TNR: variants seen among roughly 807,000 people sequenced by gnomAD.
TNR encodes tenascin R.
Under a neutral mutation model 150.4 loss-of-function variants are expected in TNR, and 45 were observed. That is an observed-to-expected ratio of 0.30 (90% confidence interval 0.24 to 0.38). The LOEUF (loss-of-function observed/expected upper bound fraction) is 0.38. Ranked by LOEUF, TNR falls within the 10% of genes least tolerant of loss-of-function variation. The probability of loss-of-function intolerance (pLI) is 1.00; values close to 1 mark genes in which losing one functional copy is unlikely to be tolerated. For missense variants in TNR, 1,544 were observed against 1,759.1 expected, an observed-to-expected ratio of 0.88 and a Z score of 2.19; for synonymous variants, 687 against 678.4, an observed-to-expected ratio of 1.01 and a Z score of -0.20.
intron 1 of TNR, among the ~76,000 whole-genome samples, chr1:175,727,184 A>C (rs1571795556): frequency 6.6e-6 from 1 of 152,340 alleles, no homozygotes; most frequent in African/African-American, 2.4e-5. Flanking sequence ...AAAATTGTGA[A>C]TCTTTTTAGA....
chr1:175,694,172 A>G (rs1274624567), intron 1 of TNR, among the ~76,000 whole-genome samples: 1 of 152,222 alleles, frequency 6.6e-6, no homozygotes, highest in East Asian at 1.9e-4. Flanking sequence ...CAGTCTTATA[A>G]CAAAGTACCA....
At chr1:175,440,303 C>T (rs1304105226) in intron 2 of TNR, among the ~76,000 whole-genome samples, 1 of 149,560 alleles carries the variant, frequency 6.7e-6, no homozygotes, top group Non-Finnish European at 1.5e-5. Flanking sequence ...CATGTTTTCA[C>T]TCATAGGTGG....
At chr1:175,547,290 C>T (rs969563949) in intron 1 of TNR, among the ~76,000 whole-genome samples, 3 of 152,200 alleles carry the variant, frequency 2.0e-5, no homozygotes, top group Non-Finnish European at 2.9e-5. Context: ...AGCCACATGG[C>T]CCTGAAATCC....
At chr1:175,491,915 C>A (rs1428917706) in intron 2 of TNR, among the ~76,000 whole-genome samples, 1 of 152,150 alleles carries the variant, frequency 6.6e-6, no homozygotes, top group East Asian at 1.9e-4. Flanking sequence ...TCCCAAAGTG[C>A]TGGGATTACA....
chr1:175,511,942 C>T (rs1032653313), intron 2 of TNR, among the ~76,000 whole-genome samples: 1 of 152,180 alleles, frequency 6.6e-6, no homozygotes, highest in Non-Finnish European at 1.5e-5. Flanking sequence ...TCATTCATTG[C>T]TAAAGTCAAC....
rs1162346630 is a variant in TNR, at chr1:175,319,240, G to T, written c.*4117C>A. 6.6e-6 allele frequency: 1 copy of T among 152,166 alleles called. No individual in the cohort carries two copies. The highest frequency in any genetic ancestry group is 1.5e-5 in the Non-Finnish European group (1 of 68,024). 9.4% of individuals were successfully genotyped at this position (152,166 alleles called of 1,614,324 possible). A position where few individuals can be genotyped will look rare whatever the true frequency, so the allele number is the denominator to read the frequency against. ...TGTCCCTAGGGTATTTGCAAATCCA[G>T]GTCACCAGCTAGTCTATTTCAACAC... On this transcript the variant is annotated 3_prime_UTR_variant, in exon 23 of 23. Coordinates refer to ENST00000367674, the MANE Select transcript of TNR (RefSeq NM_003285.3).
At chr1:175,675,737 C>T (rs904844017) in intron 1 of TNR, among the ~76,000 whole-genome samples, 3 of 152,202 alleles carry the variant, frequency 2.0e-5, no homozygotes, top group Non-Finnish European at 4.4e-5. Flanking sequence ...CACTCTCCCC[C>T]TGAGGTCTAA....
intron 18 of TNR, 137 bp from the exon 19 acceptor site, chr1:175,337,816 G>A (rs1650321813): frequency 1.1e-6 from 1 of 943,410 alleles, no homozygotes; most frequent in African/African-American, 1.6e-5. Flanking sequence ...GGAGCTCAAG[G>A]TGTGGGTGTG....
At chr1:175,429,496 T>A (rs1316815578) in intron 2 of TNR, among the ~76,000 whole-genome samples, 5 of 152,204 alleles carry the variant, frequency 3.3e-5, no homozygotes, top group Admixed American at 3.3e-4. Flanking sequence ...ATTTAACTAA[T>A]ACCTACAAAT....
intron 18 of TNR, among the ~76,000 whole-genome samples, chr1:175,346,097 T>A (rs1650767280): frequency 6.6e-6 from 1 of 152,134 alleles, no homozygotes; most frequent in Non-Finnish European, 1.5e-5. Flanking sequence ...TTTCAATGTA[T>A]GAAAAAAACC....
rs138044434 is a variant in TNR at position 175,481,775 on chromosome 1, T to C, written c.-64+46494A>G. ...TCCAGGTCATCCTCAAGGTCCAGCC[T>C]TACTCTGGTATCCTGAATAGGAACT... On this transcript the variant is annotated intron_variant, in intron 2 of 22. Coordinates refer to ENST00000367674, the MANE Select transcript of TNR (RefSeq NM_003285.3). Among the ~76,000 whole-genome samples, 65 of 152,296 alleles carry C rather than the reference T, an allele frequency of 4.3e-4. No individual in the cohort carries two copies. In the East Asian group the frequency reaches 0.012, roughly 28 times the overall value.
At chr1:175,403,655 C>A in intron 3 of TNR, 39 bp from the exon 4 acceptor site, 1 of 1,536,572 alleles carries the variant, frequency 6.5e-7, no homozygotes, top group Non-Finnish European at 8.9e-7. Context: ...GCAGCAGTGG[C>A]CTCTCCTGTC....
rs139240881 is a variant in TNR at position 175,538,059 on chromosome 1, G to T, written c.-164-9690C>A. ...GAAACCTGAGCAAGGGCAAAATATG[G>T]GAGGTAAAGCTGGAGCTTAAGAGCT... On this transcript the variant is annotated intron_variant, in intron 1 of 22. Transcript: ENST00000367674. Among the ~76,000 whole-genome samples the T allele has an allele frequency of 6.8e-3, 1,035 of 152,314 alleles. 8 individuals carry two copies. Among genetic ancestry groups the T allele is most frequent in the African/African-American group, 0.022 (930 of 41,562 alleles).
At chr1:175,681,676 A>G (rs963411602) in intron 1 of TNR, among the ~76,000 whole-genome samples, 1 of 152,202 alleles carries the variant, frequency 6.6e-6, no homozygotes, top group Non-Finnish European at 1.5e-5. Context: ...CCACGTCTCC[A>G]CCTGTACAAC....
At chr1:175,358,871 C>T (rs1651451098) in intron 15 of TNR, among the ~76,000 whole-genome samples, 1 of 152,182 alleles carries the variant, frequency 6.6e-6, no homozygotes, top group African/African-American at 2.4e-5. Flanking sequence ...AGTCCTGAAT[C>T]TTTTGTCACC....
At chr1:175,585,229 T>A (rs1662520145) in intron 1 of TNR, among the ~76,000 whole-genome samples, 1 of 152,224 alleles carries the variant, frequency 6.6e-6, no homozygotes, top group Admixed American at 6.5e-5. Context: ...GGAGGAGGGT[T>A]AAATAATTTG....
rs1323519302 is a variant in TNR, at chr1:175,315,464, C to A, written c.*7893G>T. On this transcript the variant is annotated 3_prime_UTR_variant, in exon 23 of 23. Coordinates refer to ENST00000367674, the MANE Select transcript of TNR (RefSeq NM_003285.3). Reference sequence around the variant, plus strand: ...TTCTTTTTTTTTTCTTCCTTCCAGTCTTTCTTTTAAGTAAGCGCTTTTTCA... The same window carrying A: ...TTCTTTTTTTTTTCTTCCTTCCAGTATTTCTTTTAAGTAAGCGCTTTTTCA... 1 of 151,206 alleles carries A rather than the reference C, an allele frequency of 6.6e-6. No homozygotes were observed. Among genetic ancestry groups the A allele is most frequent in the Non-Finnish European group, 1.5e-5 (1 of 67,798 alleles). The allele number at this position is 151,206 out of a possible 1,614,324, so 9.4% of individuals were successfully genotyped here.
intron 2 of TNR, among the ~76,000 whole-genome samples, chr1:175,436,909 T>A (rs962678433): frequency 1.3e-5 from 2 of 152,152 alleles, no homozygotes; most frequent in East Asian, 3.8e-4. Flanking sequence ...CAAAGAGACT[T>A]AGACTCCCAC....
intron 1 of TNR, among the ~76,000 whole-genome samples, chr1:175,537,970 G>A (rs1366964768): frequency 6.6e-6 from 1 of 152,214 alleles, no homozygotes; most frequent in African/African-American, 2.4e-5. Flanking sequence ...GCCATTTTGA[G>A]TGGGATAATT....
Sources: allele counts gnomAD v4.1 joint callset (sites outside exome capture counted in the v4.1 genomes callset), GRCh38; gene constraint gnomAD v4.1.1; transcripts MANE v1.5; gene names NCBI Gene and HGNC (gene_info 2026-07-23, HGNC 2026-07-21).